The following PLEKHA5 variants were observed in gnomAD, a reference collection of about 807,000 sequenced individuals.
PLEKHA5 encodes pleckstrin homology domain containing A5.
Under a neutral mutation model 181.9 loss-of-function variants are expected in PLEKHA5, and 55 were observed. The ratio of observed to expected loss-of-function variants is 0.30; its 90% CI spans 0.24 to 0.38. The LOEUF is 0.38. Ranked by LOEUF, PLEKHA5 falls within the 10% of genes least tolerant of loss-of-function variation. The pLI is 1.00. For synonymous variants in PLEKHA5, 535 were observed against 529.4 expected, an observed-to-expected ratio of 1.01 and a Z score of -0.15; for missense variants, 1,432 against 1,549.5, an observed-to-expected ratio of 0.92 and a Z score of 1.27.
chr12:19,321,927 A>G (rs535507671), intron 18 of PLEKHA5, among the ~76,000 whole-genome samples: 53 of 152,278 alleles, frequency 3.5e-4, no homozygotes, highest in Middle Eastern at 3.4e-3. Flanking sequence ...TAATTAAGAA[A>G]TTAGGGTAAT....
At chr12:19,340,448 G>T (rs1232706602) in intron 21 of PLEKHA5, among the ~76,000 whole-genome samples, 4 of 130,042 alleles carry the variant, frequency 3.1e-5, no homozygotes, top group Non-Finnish European at 5.3e-5. Flanking sequence ...CCGTCTGGGA[G>T]GTGTACTCAA....
chr12:19,204,078 T>A (rs2054825910), intron 3 of PLEKHA5, among the ~76,000 whole-genome samples: 1 of 152,174 alleles, frequency 6.6e-6, no homozygotes, highest in South Asian at 2.1e-4. Context: ...ATGGGATGGC[T>A]ATTTCCTATG....
intron 31 of PLEKHA5, among the ~76,000 whole-genome samples, chr12:19,374,637 C>T (rs905433944): frequency 5.1e-5 from 7 of 137,372 alleles, no homozygotes; most frequent in South Asian, 2.4e-4. Flanking sequence ...CCAGCCTGGG[C>T]GACAGAGCGA....
In PLEKHA5 at chr12:19,332,894, G is replaced by A. The variant is rs73331896; in HGVS notation, c.2449-3621G>A. On this transcript the variant is annotated intron_variant, in intron 20 of 31. Coordinates refer to ENST00000429027, the MANE Select transcript of PLEKHA5 (RefSeq NM_001256470.2). ...TGGTCTCAGATTCCTGGGCTCAAGCGATCCGTCCATCTCGGCCTCCTAAAC... is the reference window on the plus strand; with the variant it reads ...TGGTCTCAGATTCCTGGGCTCAAGCAATCCGTCCATCTCGGCCTCCTAAAC... Among the ~76,000 whole-genome samples, 405 of 152,218 alleles carry A rather than the reference G, an allele frequency of 2.7e-3. 2 individuals are homozygous for A. The highest frequency in any genetic ancestry group is 9.4e-3 in the African/African-American group (389 of 41,538).
rs112695943 is a variant in PLEKHA5 at position 19,369,468 on chromosome 12, C to T, written c.3755-225C>T. Among the ~76,000 whole-genome samples the T allele has an allele frequency of 2.6e-3, 398 of 152,096 alleles. 2 individuals carry two copies. The highest frequency in any genetic ancestry group is 9.2e-3 in the African/African-American group (382 of 41,484). On this transcript the variant is annotated intron_variant, in intron 30 of 31. Coordinates refer to ENST00000429027, the MANE Select transcript of PLEKHA5 (RefSeq NM_001256470.2). Reference sequence around the variant, plus strand: ...ACCAAGATGGGAGGATTGCATGATGCCAGGAGTTCAAGACCAGCCTGGTCA... The same window carrying T: ...ACCAAGATGGGAGGATTGCATGATGTCAGGAGTTCAAGACCAGCCTGGTCA...
intron 6 of PLEKHA5, among the ~76,000 whole-genome samples, chr12:19,259,663 A>G (rs1191056414): frequency 2.0e-5 from 3 of 152,038 alleles, no homozygotes; most frequent in Non-Finnish European, 2.9e-5. Flanking sequence ...AGACACGAGA[A>G]TCACTTGAAA....
chr12:19,140,153 G>T (rs1385256349), intron 3 of PLEKHA5, among the ~76,000 whole-genome samples: 1 of 152,116 alleles, frequency 6.6e-6, no homozygotes, highest in African/African-American at 2.4e-5. Context: ...AATTCTGCCC[G>T]TCTGGGGAGT....
intron 3 of PLEKHA5, among the ~76,000 whole-genome samples, chr12:19,215,282 C>A (rs1409288430): frequency 6.6e-6 from 1 of 152,072 alleles, no homozygotes; most frequent in Non-Finnish European, 1.5e-5. Context: ...GGTTAGCCAG[C>A]TAGCCAAAAG....
intron 12 of PLEKHA5, 54 bp from the exon 13 acceptor site, chr12:19,287,418 TG>T: frequency 1.0e-6 from 1 of 995,610 alleles, no homozygotes; most frequent in Non-Finnish European, 1.6e-6. Context: ...TTGCTGACAT[TG>T]ATAAGAAAAA....
At chr12:19,295,510 A>G (rs2079529516) in intron 15 of PLEKHA5, among the ~76,000 whole-genome samples, 1 of 152,168 alleles carries the variant, frequency 6.6e-6, no homozygotes, top group South Asian at 2.1e-4. Context: ...GTTCTTTGAA[A>G]GTGCCATAGT....
At chr12:19,148,448 C>T (rs1319903950) in intron 3 of PLEKHA5, among the ~76,000 whole-genome samples, 1 of 152,206 alleles carries the variant, frequency 6.6e-6, no homozygotes, top group Non-Finnish European at 1.5e-5. Flanking sequence ...ACAGGCAGAG[C>T]CCCTGACCAG....
Position 19,358,222 on chromosome 12 carries a change from T to C in PLEKHA5, c.3139-6T>C, listed in dbSNP as rs775140436. On this transcript the variant is annotated splice_region_variant and splice_polypyrimidine_tract_variant and intron_variant, in intron 26 of 31. Coordinates refer to ENST00000429027, the MANE Select transcript of PLEKHA5 (RefSeq NM_001256470.2). ...ATGTATTGATATGTTCATTTTTACA[T>C]TGAAGGAAAGACCAAGAAGTGCAGT... The C allele has an allele frequency of 2.1e-5, 33 of 1,602,466 alleles. No individual in the cohort carries two copies. The highest frequency in any genetic ancestry group is 2.6e-5 in the Non-Finnish European group (31 of 1,170,532).
At chr12:19,283,133 C>T (rs549827480) in intron 11 of PLEKHA5, 147 bp from the exon 12 acceptor site, 14 of 449,684 alleles carry the variant, frequency 3.1e-5, no homozygotes, top group Admixed American at 5.3e-5. Context: ...GGCAACAGAG[C>T]GAGACTCTTG....
At chr12:19,136,335 ATT>A (rs370658176) in intron 3 of PLEKHA5, among the ~76,000 whole-genome samples, 182 of 152,288 alleles carry the variant, frequency 1.2e-3, no homozygotes, top group Middle Eastern at 3.4e-3. Context: ...GAATTTTCAT[ATT>A]GTTTTTATAA....
At chr12:19,285,384 A>G (rs1214849446) in intron 12 of PLEKHA5, among the ~76,000 whole-genome samples, 1 of 152,134 alleles carries the variant, frequency 6.6e-6, no homozygotes, top group Non-Finnish European at 1.5e-5. Flanking sequence ...CCAATTCTCA[A>G]CTGTCTGCTA....
chr12:19,348,418 A>G lies in PLEKHA5; in HGVS notation c.2918A>G (p.Tyr973Cys), dbSNP rs746003413. Residue 973 changes from tyrosine to cysteine, a missense_variant, in exon 25 of 32, where the codon TAC becomes TGC. This residue lies in a region of PLEKHA5 where 1,143 missense variants were observed against 1,168.4 expected (regional missense o/e 0.98). Coordinates refer to ENST00000429027, the MANE Select transcript of PLEKHA5 (RefSeq NM_001256470.2). Reference protein sequence around the residue: ...GSHCGPDYRLYKSEPELTTVA... With the variant: ...GSHCGPDYRLCKSEPELTTVA... ...TTCAAGGGTCCAGATTATAGACTCT[A>G]CAAGAGTGAACCAGAGTTAACAACA... 18 of 1,585,964 alleles carry G rather than the reference A, an allele frequency of 1.1e-5. No homozygotes were observed. The highest frequency in any genetic ancestry group is 1.9e-5 in the Admixed American group (1 of 52,300).
rs562504523 is a variant in PLEKHA5 at position 19,238,392 on chromosome 12, A to G, written c.228-15548A>G. 3.9e-5 allele frequency among the ~76,000 whole-genome samples: 6 copies of G among 152,244 alleles called. No individual in the cohort carries two copies. In the South Asian group the frequency reaches 1.2e-3, roughly 32 times the overall value. ...TGCTTCATATTATGACTCCCAGTAT[A>G]TTATACATCTATACTTAGAAGCATT... On this transcript the variant is annotated intron_variant, in intron 3 of 31. Transcript: ENST00000429027.
intron 11 of PLEKHA5, among the ~76,000 whole-genome samples, chr12:19,280,105 AGT>A (rs1398293424): frequency 2.4e-5 from 3 of 124,578 alleles, no homozygotes; most frequent in Non-Finnish European, 4.7e-5. Flanking sequence ...GCTGGAGTAC[AGT>A]GGCACAATCT....
At chr12:19,138,854 A>G (rs1007230095) in intron 3 of PLEKHA5, among the ~76,000 whole-genome samples, 1 of 152,176 alleles carries the variant, frequency 6.6e-6, no homozygotes, top group Non-Finnish European at 1.5e-5. Flanking sequence ...AGGTGAGTCT[A>G]GGAATGCTGT....
Sources: gnomAD v4.1 joint callset for allele counts (sites outside exome capture counted in the v4.1 genomes callset) on GRCh38, gnomAD v4.1.1 for gene constraint, gnomAD v4.1.1 regional missense constraint, MANE v1.5 for transcripts, NCBI Gene and HGNC (gene_info 2026-07-23, HGNC 2026-07-21) for gene names.